Variants in CFI observed in about 807,000 individuals in gnomAD.
CFI encodes the protein C3B/C4B inactivator.
Under a neutral mutation model 78.8 loss-of-function variants are expected in CFI, and 66 were observed. The observed-to-expected ratio is 0.84, with a 90% CI of 0.69 to 1.03. The LOEUF is 1.03. CFI is among the 50% of genes least tolerant of loss of function. The pLI is 0.00. For synonymous variants in CFI, 250 were observed against 232.6 expected (o/e 1.07, Z -0.68); for missense variants, 706 against 704.5 (o/e 1.00, Z -0.02).
At chr4:109,795,845 A>G (rs1731990899) in intron 1 of CFI, among the ~76,000 whole-genome samples, 1 of 152,174 alleles carries the variant, frequency 6.6e-6, no homozygotes, top group African/African-American at 2.4e-5. Context: ...TAAAGACTAC[A>G]GGACTTGTGG....
At chr4:109,771,714 CAAAAAAAAAAAAAAA>C (rs149565381) in intron 1 of CFI, among the ~76,000 whole-genome samples, 1 of 18,126 alleles carries the variant, frequency 5.5e-5, no homozygotes. Context: ...ACTCCATCAC[CAAAAAAAAAAAAAAA>C]AAAAAAAAAA....
chr4:109,741,340 G>A (rs1376057799), intron 12 of CFI: 2 of 985,304 alleles, frequency 2.0e-6, no homozygotes, highest in African/African-American at 1.7e-5. Context: ...TTCTTCCTGT[G>A]TTCTCTACTT....
At position 109,760,560 on chromosome 4, in the gene CFI, A is replaced by G. The variant is rs758650703; in HGVS notation, c.735T>C (p.Asn245=). ...GTTCATCACTTTGGTCTCCACAATC[A>G]TTGATACCATCACAGGCTTTCATCT... ...ISQMKACDGI[N]DCGDQSDELC... The change falls in exon 5 of 13, where the codon AAT becomes AAC. Residue 245 remains asparagine (N), a synonymous_variant. Transcript: ENST00000394634. 1 of 1,608,974 alleles carries G rather than the reference A, an allele frequency of 6.2e-7. No individual in the cohort carries two copies.
At chr4:109,747,354 T>TA (rs778108478) in intron 10 of CFI, among the ~76,000 whole-genome samples, 2,425 of 12,596 alleles carry the variant, frequency 0.19, 82 homozygotes, top group African/African-American at 0.21. Flanking sequence ...TAAGCTAATT[T>TA]AAAAAAATTT....
intron 1 of CFI, among the ~76,000 whole-genome samples, chr4:109,771,598 C>G (rs1400571549): frequency 2.7e-5 from 4 of 150,234 alleles, no homozygotes; most frequent in African/African-American, 9.8e-5. Context: ...CCTGTAATCC[C>G]AGCTACTCAG....
chr4:109,772,641 T>G (rs1277660593), intron 1 of CFI, among the ~76,000 whole-genome samples: 1 of 152,006 alleles, frequency 6.6e-6, no homozygotes, highest in African/African-American at 2.4e-5. Context: ...TGCAGTGGTA[T>G]GATCACAGCT....
intron 1 of CFI, among the ~76,000 whole-genome samples, chr4:109,776,578 C>A (rs924472211): frequency 3.3e-5 from 5 of 152,182 alleles, no homozygotes; most frequent in African/African-American, 1.2e-4. Flanking sequence ...ACTTCCCCAA[C>A]CTAGCAAGGC....
rs866000235 is a variant in CFI at position 109,761,799 on chromosome 4, A to T, written c.483-107T>A. The T allele has an allele frequency of 1.8e-4, 161 of 913,958 alleles. 4 individuals are homozygous for T. The Middle Eastern group carries it at 8.3e-3, about 47-fold the overall frequency. 56.6% of individuals were successfully genotyped at this position (913,958 alleles called of 1,614,324 possible). ...AGAGTAATGTCCTCTCATTCTCTAT[A>T]TAGGAGTTACAGCTTGGGCAAGATA... is the stretch of plus-strand genomic sequence containing the variant. On this transcript the variant is annotated intron_variant, in intron 3 of 12. Coordinates refer to ENST00000394634, the MANE Select transcript of CFI (RefSeq NM_000204.5).
rs1273992858 is a variant in CFI, at chr4:109,753,663, T to C, written c.905-1160A>G. ...TAATTTTATATTATATATTATATAA[T>C]GTATAATTTTATATTATATATTATA... On this transcript the variant is annotated intron_variant, in intron 7 of 12. Transcript: ENST00000394634. Among the ~76,000 whole-genome samples the C allele has an allele frequency of 3.0e-3, 313 of 104,000 alleles. 2 individuals are homozygous for C. The highest frequency in any genetic ancestry group is 0.013 in the African/African-American group (299 of 23,660). The allele number at this position is 104,000 out of a possible 152,430, so 68.2% of individuals were successfully genotyped here. A position where few individuals can be genotyped will look rare whatever the true frequency, so the allele number is the denominator to read the frequency against.
chr4:109,798,969 T>C (rs1008171839), intron 1 of CFI, among the ~76,000 whole-genome samples: 2 of 152,110 alleles, frequency 1.3e-5, no homozygotes, highest in African/African-American at 4.8e-5. Flanking sequence ...AGATTGGTTC[T>C]GTCCTGGGCA....
At position 109,766,206 on chromosome 4, in the gene CFI, T is replaced by C. The variant is rs997518016; in HGVS notation, c.328+348A>G. On this transcript the variant is annotated intron_variant, in intron 2 of 12. Transcript: ENST00000394634. Reference sequence around the variant, plus strand: ...GACTACATGTGAGTACCAACCTTACTGGAAGACTTTTCACTGGGTTCTGAA... The same window carrying C: ...GACTACATGTGAGTACCAACCTTACCGGAAGACTTTTCACTGGGTTCTGAA... Among the ~76,000 whole-genome samples, 3 of 152,176 alleles carry C rather than the reference T, an allele frequency of 2.0e-5. 1 individual carries two copies. The South Asian group carries it at 6.2e-4, about 31-fold the overall frequency.
At chr4:109,789,059 A>C (rs2125860071) in intron 1 of CFI, among the ~76,000 whole-genome samples, 2 of 152,150 alleles carry the variant, frequency 1.3e-5, no homozygotes, top group East Asian at 3.9e-4. Context: ...TCTAGGGATA[A>C]AAACTACAAT....
chr4:109,747,915 C>T (rs1724678868), intron 10 of CFI, among the ~76,000 whole-genome samples: 1 of 152,124 alleles, frequency 6.6e-6, no homozygotes, highest in Non-Finnish European at 1.5e-5. Context: ...GTTTGCACTC[C>T]TATGAGAATC....
Position 109,740,884 on chromosome 4 carries a change from A to T in CFI, c.*9T>A. ...GAAAAAGAATAGAATGAAGAGAGAG[A>T]TCACAATTTTATACATTGTACTGAG... On this transcript the variant is annotated 3_prime_UTR_variant, in exon 13 of 13. Transcript: ENST00000394634. 1 of 1,606,824 alleles carries T rather than the reference A, an allele frequency of 6.2e-7. No homozygotes were observed. Among genetic ancestry groups the T allele is most frequent in the Non-Finnish European group, 8.5e-7 (1 of 1,173,376 alleles).
intron 1 of CFI, among the ~76,000 whole-genome samples, chr4:109,788,717 T>C (rs1731032752): frequency 6.6e-6 from 1 of 151,904 alleles, no homozygotes; most frequent in Admixed American, 6.6e-5. Flanking sequence ...ATGAAGAAAA[T>C]GCAAAGTGAA....
At chr4:109,752,888 T>A (rs1002866964) in intron 7 of CFI, among the ~76,000 whole-genome samples, 7 of 129,678 alleles carry the variant, frequency 5.4e-5, no homozygotes, top group Non-Finnish European at 1.1e-4. Flanking sequence ...TATTATATAA[T>A]ATATATTTAT....
chr4:109,756,977 G>GAAAGAAAGAAAT (rs1380821599), intron 7 of CFI, among the ~76,000 whole-genome samples: 11 of 141,138 alleles, frequency 7.8e-5, no homozygotes, highest in East Asian at 6.6e-4. Flanking sequence ...AAGAAAGAAA[G>GAAAGAAAGAAAT]AAATTCTGAG....
chr4:109,776,622 T>C (rs1054393671), intron 1 of CFI, among the ~76,000 whole-genome samples: 1 of 152,046 alleles, frequency 6.6e-6, no homozygotes, highest in African/African-American at 2.4e-5. Flanking sequence ...ATACAGAGAA[T>C]GCCACAAAGA....
At chr4:109,774,390 A>T (rs1216343415) in intron 1 of CFI, among the ~76,000 whole-genome samples, 1 of 150,168 alleles carries the variant, frequency 6.7e-6, no homozygotes, top group East Asian at 2.0e-4. Flanking sequence ...TGGACTAGGA[A>T]CCTGAAGGTG....
Sources: allele counts gnomAD v4.1 joint callset (sites outside exome capture counted in the v4.1 genomes callset), GRCh38; gene constraint gnomAD v4.1.1; transcripts MANE v1.5; gene names NCBI Gene and HGNC (gene_info 2026-07-23, HGNC 2026-07-21).